The following SPMAP2L variants were observed in gnomAD, a reference collection of about 807,000 sequenced individuals.
SPMAP2L encodes the protein sperm microtubule associated protein 2-like.
the SPMAP2L span, among the ~76,000 whole-genome samples, chr4:56,610,368 T>C: frequency 6.6e-6 from 1 of 152,140 alleles, no homozygotes; most frequent in Non-Finnish European, 1.5e-5. Context: ...ATTCAACAAG[T>C]GGTCCTGGGA....
At chr4:56,584,670 C>G in the SPMAP2L span, 4 of 1,145,154 alleles carry the variant, frequency 3.5e-6, no homozygotes, top group South Asian at 5.4e-5. Flanking sequence ...GCTGCCTACC[C>G]TCTTTTTCTA....
chr4:56,573,008 TC>T, the SPMAP2L span, among the ~76,000 whole-genome samples: 1 of 143,314 alleles, frequency 7.0e-6, no homozygotes, highest in Non-Finnish European at 1.5e-5. Context: ...AGAGCAAGAC[TC>T]TATCTCCAAA....
the SPMAP2L span, among the ~76,000 whole-genome samples, chr4:56,537,817 C>T: frequency 0.11 from 16,593 of 152,056 alleles, 1,220 homozygotes; most frequent in Admixed American, 0.15. Context: ...TTCAGCCTCC[C>T]GAGTAGCTGG....
At chr4:56,621,002 T>C in the SPMAP2L span, among the ~76,000 whole-genome samples, 1 of 152,154 alleles carries the variant, frequency 6.6e-6, no homozygotes, top group Non-Finnish European at 1.5e-5. Context: ...TATTGACTGT[T>C]ACTATAATTT....
At chr4:56,595,664 C>A in the SPMAP2L span, 1 of 1,154,572 alleles carries the variant, frequency 8.7e-7, no homozygotes, top group Non-Finnish European at 1.3e-6. Flanking sequence ...TTTGTACCTG[C>A]CCACCCATGG....
chr4:56,585,417 G>A, the SPMAP2L span, among the ~76,000 whole-genome samples: 2 of 152,310 alleles, frequency 1.3e-5, no homozygotes, highest in South Asian at 4.1e-4. Context: ...TGTGATCACA[G>A]CTCACTGCAG....
At chr4:56,572,736 C>G in the SPMAP2L span, among the ~76,000 whole-genome samples, 1 of 151,558 alleles carries the variant, frequency 6.6e-6, no homozygotes, top group Admixed American at 6.6e-5. Flanking sequence ...ATATTTGAGG[C>G]TGGGAGTGGT....
At chr4:56,552,401 A>G in the SPMAP2L span, 1 of 579,220 alleles carries the variant, frequency 1.7e-6, no homozygotes, top group Non-Finnish European at 3.1e-6. Flanking sequence ...ATGTTTGGAT[A>G]CTTTGAGCCT....
the SPMAP2L span, among the ~76,000 whole-genome samples, chr4:56,589,748 T>G: frequency 8.0e-5 from 12 of 150,216 alleles, no homozygotes; most frequent in African/African-American, 2.0e-4. Context: ...GTGGGGGGGT[T>G]TTGTTTTTTT....
chr4:56,554,481 G>A, the SPMAP2L span, among the ~76,000 whole-genome samples: 1 of 152,108 alleles, frequency 6.6e-6, no homozygotes, highest in African/African-American at 2.4e-5. Context: ...TAAGGTGTTT[G>A]TTCAGTTCTT....
chr4:56,566,093 A>G, the SPMAP2L span, among the ~76,000 whole-genome samples: 4 of 152,206 alleles, frequency 2.6e-5, no homozygotes, highest in South Asian at 8.3e-4. Flanking sequence ...TACTGTGATT[A>G]CTAATATGTT....
At chr4:56,571,070 C>G in the SPMAP2L span, among the ~76,000 whole-genome samples, 2 of 151,796 alleles carry the variant, frequency 1.3e-5, no homozygotes, top group Admixed American at 1.3e-4. Context: ...TCCCAAAGGG[C>G]TGGGATTACA....
chr4:56,603,870 A>G, the SPMAP2L span, among the ~76,000 whole-genome samples: 1 of 152,238 alleles, frequency 6.6e-6, no homozygotes, highest in Non-Finnish European at 1.5e-5. Context: ...TTTAGGGAAC[A>G]GGTTACCTTA....
At chr4:56,595,978 A>T in the SPMAP2L span, among the ~76,000 whole-genome samples, 3 of 152,228 alleles carry the variant, frequency 2.0e-5, no homozygotes, top group Non-Finnish European at 4.4e-5. Flanking sequence ...TGTGTTTTGC[A>T]TAGAAAGTTT....
At chr4:56,566,041 T>C in the SPMAP2L span, among the ~76,000 whole-genome samples, 5 of 152,218 alleles carry the variant, frequency 3.3e-5, no homozygotes, top group Non-Finnish European at 5.9e-5. Context: ...TCCAATCTGA[T>C]AATCTCTGTT....
the SPMAP2L span, among the ~76,000 whole-genome samples, chr4:56,606,513 C>G: frequency 1.3e-4 from 20 of 150,732 alleles, no homozygotes; most frequent in Non-Finnish European, 2.6e-4. Context: ...CTTCATTTTT[C>G]TCCTACTACC....
At chr4:56,603,355 T>A in the SPMAP2L span, 5 of 1,478,768 alleles carry the variant, frequency 3.4e-6, no homozygotes, top group African/African-American at 4.2e-5. Context: ...AGACCCTGGT[T>A]ATGTATCTAG....
At chr4:56,536,071 G>A in the SPMAP2L span, among the ~76,000 whole-genome samples, 12,515 of 152,264 alleles carry the variant, frequency 0.082, 647 homozygotes, top group East Asian at 0.26. Context: ...GACAGGAGGC[G>A]GAGTTGAGGC....
At chr4:56,531,180 C>A in the SPMAP2L span, 3 of 1,517,476 alleles carry the variant, frequency 2.0e-6, no homozygotes, top group Non-Finnish European at 8.8e-7. Context: ...GTAGGTGTTC[C>A]CCTTCCCTCG....
Sources: allele counts gnomAD v4.1 joint callset (sites outside exome capture counted in the v4.1 genomes callset), GRCh38; gene constraint gnomAD v4.1.1; transcripts MANE v1.5; gene names NCBI Gene and HGNC (gene_info 2026-07-23, HGNC 2026-07-21).